Variants in DPP10 observed in about 807,000 individuals in gnomAD.
DPP10 encodes inactive dipeptidyl peptidase 10.
DPP10 carries 33 observed loss-of-function variants against 120.9 expected under a neutral mutation model. The observed-to-expected ratio is 0.27, with a 90% CI of 0.21 to 0.37. The LOEUF (loss-of-function observed/expected upper bound fraction) is 0.37. DPP10 is among the 10% of genes least tolerant of loss of function. DPP10 has a pLI of 1.00. For synonymous variants in DPP10, 337 were observed against 326.1 expected, an observed-to-expected ratio of 1.03 and a Z score of -0.36; for missense variants, 816 against 942.8, an observed-to-expected ratio of 0.87 and a Z score of 1.76.
chr2:115,484,900 A>G (rs1259275992), intron 3 of DPP10, among the ~76,000 whole-genome samples: 1 of 152,118 alleles, frequency 6.6e-6, no homozygotes, highest in Admixed American at 6.6e-5. Flanking sequence ...TTCTTAGCTG[A>G]TCATCCTTCT....
intron 1 of DPP10, among the ~76,000 whole-genome samples, chr2:114,687,265 A>C (rs1699433287): frequency 6.6e-6 from 1 of 151,840 alleles, no homozygotes. Context: ...TTCTGGCTGC[A>C]CCTGAGGGGG....
At chr2:114,626,425 T>C (rs970306148) in intron 1 of DPP10, among the ~76,000 whole-genome samples, 1 of 152,096 alleles carries the variant, frequency 6.6e-6, no homozygotes, top group Non-Finnish European at 1.5e-5. Flanking sequence ...CAAATCTAAA[T>C]TACATTTAAT....
chr2:115,360,254 GTTGCTGTCAT>G, intron 3 of DPP10, among the ~76,000 whole-genome samples: 1 of 152,290 alleles, frequency 6.6e-6, no homozygotes, highest in South Asian at 2.1e-4. Flanking sequence ...TCTTTCAGAA[GTTGCTGTCAT>G]TTGGATGAGG....
At chr2:115,243,192 G>C (rs1182231576) in intron 1 of DPP10, among the ~76,000 whole-genome samples, 2 of 152,152 alleles carry the variant, frequency 1.3e-5, no homozygotes, top group East Asian at 3.9e-4. Context: ...CTTGACACCA[G>C]CTGCCTGACT....
intron 1 of DPP10, among the ~76,000 whole-genome samples, chr2:114,545,889 G>A (rs1687352337): frequency 6.6e-6 from 1 of 152,156 alleles, no homozygotes; most frequent in Non-Finnish European, 1.5e-5. Flanking sequence ...CTCAATGAGT[G>A]TCTTTTATCT....
At chr2:115,417,078 G>A (rs1230757866) in intron 3 of DPP10, among the ~76,000 whole-genome samples, 1 of 152,114 alleles carries the variant, frequency 6.6e-6, no homozygotes, top group Non-Finnish European at 1.5e-5. Flanking sequence ...ATATAAGACT[G>A]ATATGATCTT....
chr2:115,005,426 G>C (rs1293147842), intron 1 of DPP10, among the ~76,000 whole-genome samples: 1 of 151,718 alleles, frequency 6.6e-6, no homozygotes, highest in Non-Finnish European at 1.5e-5. Context: ...TCTGAGCTAC[G>C]GGAGGACATT....
At chr2:115,167,986 G>A (rs1323444177) in intron 1 of DPP10, among the ~76,000 whole-genome samples, 1 of 152,040 alleles carries the variant, frequency 6.6e-6, no homozygotes, top group Non-Finnish European at 1.5e-5. Context: ...ATGAGAAAGA[G>A]GATATTTAAA....
chr2:115,021,725 C>T (rs191335924), intron 1 of DPP10, among the ~76,000 whole-genome samples: 1 of 151,988 alleles, frequency 6.6e-6, no homozygotes, highest in East Asian at 1.9e-4. Flanking sequence ...AAACTTCAGA[C>T]CAATATCACT....
intron 5 of DPP10, among the ~76,000 whole-genome samples, chr2:115,585,703 A>G (rs555743774): frequency 6.6e-6 from 1 of 152,270 alleles, no homozygotes; most frequent in East Asian, 1.9e-4. Flanking sequence ...CTCCTCAAGC[A>G]GTAAGCCCTT....
intron 1 of DPP10, among the ~76,000 whole-genome samples, chr2:114,574,381 A>G (rs1017405211): frequency 6.6e-6 from 1 of 152,108 alleles, no homozygotes; most frequent in African/African-American, 2.4e-5. Flanking sequence ...CCGCTTGCCC[A>G]CCACTCTCCT....
At chr2:115,557,860 A>G (rs1281729314) in intron 5 of DPP10, among the ~76,000 whole-genome samples, 1 of 152,192 alleles carries the variant, frequency 6.6e-6, no homozygotes, top group Non-Finnish European at 1.5e-5. Flanking sequence ...GATTTTATTT[A>G]TTGTGAAAGT....
intron 4 of DPP10, among the ~76,000 whole-genome samples, chr2:115,524,632 T>G (rs1346634082): frequency 6.6e-6 from 1 of 152,132 alleles, no homozygotes; most frequent in Non-Finnish European, 1.5e-5. Context: ...CTACCAGATC[T>G]TAGAGTGGGG....
chr2:115,021,630 A>G (rs1703081327), intron 1 of DPP10, among the ~76,000 whole-genome samples: 1 of 152,168 alleles, frequency 6.6e-6, no homozygotes, highest in Non-Finnish European at 1.5e-5. Flanking sequence ...CAAAAGATAG[A>G]GAAAGAGGGA....
At chr2:115,482,901 G>T (rs928240479) in intron 3 of DPP10, among the ~76,000 whole-genome samples, 1 of 151,868 alleles carries the variant, frequency 6.6e-6, no homozygotes, top group Non-Finnish European at 1.5e-5. Flanking sequence ...TTGCTTTGTT[G>T]TCTCATCCAG....
chr2:115,780,427 A>G (rs1682611334), intron 15 of DPP10, among the ~76,000 whole-genome samples: 1 of 151,888 alleles, frequency 6.6e-6, no homozygotes, highest in Admixed American at 6.6e-5. Flanking sequence ...TTAATTTAGA[A>G]AATCATGAGC....
chr2:115,079,072 G>A (rs1480160698), intron 1 of DPP10, among the ~76,000 whole-genome samples: 1 of 152,138 alleles, frequency 6.6e-6, no homozygotes, highest in African/African-American at 2.4e-5. Flanking sequence ...TCTACACCGT[G>A]CTGGGACTCA....
At chr2:115,314,297 C>A (rs2061696674) in intron 2 of DPP10, among the ~76,000 whole-genome samples, 1 of 152,298 alleles carries the variant, frequency 6.6e-6, no homozygotes, top group South Asian at 2.1e-4. Flanking sequence ...TTGACTGTGT[C>A]TGTAATCGGT....
chr2:115,253,915 C>T (rs1037588280), intron 1 of DPP10, among the ~76,000 whole-genome samples: 9 of 152,368 alleles, frequency 5.9e-5, no homozygotes, highest in South Asian at 2.1e-4. Context: ...CCATATTTCC[C>T]TTCTGCACTT....
Sources: gnomAD v4.1 joint callset for allele counts (sites outside exome capture counted in the v4.1 genomes callset) on GRCh38, gnomAD v4.1.1 for gene constraint, MANE v1.5 for transcripts, NCBI Gene and HGNC (gene_info 2026-07-23, HGNC 2026-07-21) for gene names.